The following KCNK9 variants were observed in gnomAD, a reference collection of about 807,000 sequenced individuals.
The protein encoded by KCNK9 is potassium channel subfamily K member 9.
In KCNK9, 1 loss-of-function variant was observed where a neutral mutation model predicts 10.8. The observed-to-expected ratio is 0.09, with a 90% CI of 0.03 to 0.44. KCNK9 has a LOEUF of 0.44. Among genes scored for constraint, KCNK9 ranks in the 20% least tolerant of loss-of-function variants. The pLI is 0.97. For missense variants in KCNK9, 303 were observed against 515.0 expected (o/e 0.59, Z 3.98); for synonymous variants, 231 against 222.7 (o/e 1.04, Z -0.33).
downstream of KCNK9, among the ~76,000 whole-genome samples, chr8:139,608,502 A>G (rs540737074): frequency 6.6e-6 from 1 of 152,150 alleles, no homozygotes; most frequent in East Asian, 1.9e-4. Flanking sequence ...TCTTTCTCAG[A>G]TCTACTTCCT....
chr8:139,625,984 C>T (rs1308142644), intron 1 of KCNK9, among the ~76,000 whole-genome samples: 6 of 152,194 alleles, frequency 3.9e-5, no homozygotes, highest in African/African-American at 1.4e-4. Context: ...CTTAAAGATA[C>T]TCTAAGCACA....
intron 2 of KCNK9, among the ~76,000 whole-genome samples, chr8:139,603,550 G>A (rs1432488580): frequency 2.0e-5 from 3 of 152,200 alleles, no homozygotes; most frequent in African/African-American, 7.2e-5. Flanking sequence ...GGTTGTTAGG[G>A]GAAAGGCCTC....
chr8:139,643,641 C>G (rs1197044979), intron 1 of KCNK9, among the ~76,000 whole-genome samples: 1 of 152,228 alleles, frequency 6.6e-6, no homozygotes, highest in Non-Finnish European at 1.5e-5. Context: ...GTCACCTGGA[C>G]AAGCCCATGG....
chr8:139,663,655 G>A (rs1356227530), intron 1 of KCNK9, among the ~76,000 whole-genome samples: 1 of 147,990 alleles, frequency 6.8e-6, no homozygotes, highest in African/African-American at 2.6e-5. Context: ...GCACGTGTGT[G>A]TGTGTGTGTG....
chr8:139,681,098 G>A (rs978494314), intron 1 of KCNK9, among the ~76,000 whole-genome samples: 10 of 152,086 alleles, frequency 6.6e-5, no homozygotes, highest in Non-Finnish European at 1.2e-4. Context: ...TAATCATATC[G>A]CCCTCTGTGC....
intron 1 of KCNK9, among the ~76,000 whole-genome samples, chr8:139,642,447 A>G (rs1185306227): frequency 6.6e-6 from 1 of 152,248 alleles, no homozygotes; most frequent in Non-Finnish European, 1.5e-5. Context: ...CAAAAGCAAT[A>G]AATGCATGCT....
intron 1 of KCNK9, among the ~76,000 whole-genome samples, chr8:139,639,798 G>A (rs530494839): frequency 6.6e-6 from 1 of 152,324 alleles, no homozygotes; most frequent in South Asian, 2.1e-4. Context: ...TCCCCAGCCT[G>A]CCCACGTGCT....
intron 1 of KCNK9, among the ~76,000 whole-genome samples, chr8:139,630,876 C>T (rs576942655): frequency 1.3e-5 from 2 of 152,366 alleles, no homozygotes; most frequent in African/African-American, 4.8e-5. Context: ...TCTTGCGAGA[C>T]GCTGGAGGTC....
Position 139,625,725 on chromosome 8 carries a change from G to GAA in KCNK9, c.284-6628_284-6627dup, listed in dbSNP as rs113414842. ...CTGCTGCAGCTGGCTAACAAAACAGGAAAAAAAAAAAAAAAATGAATAGGC... is the reference window on the plus strand; with the variant it reads ...CTGCTGCAGCTGGCTAACAAAACAGGAAAAAAAAAAAAAAAAAATGAATAGGC... On this transcript the variant is annotated intron_variant, in intron 1 of 1. Coordinates refer to ENST00000520439, the MANE Select transcript of KCNK9 (RefSeq NM_001282534.2). 1.3e-3 allele frequency among the ~76,000 whole-genome samples: 184 copies of GAA among 137,014 alleles called. 1 individual carries two copies. The highest frequency in any genetic ancestry group is 3.1e-3 in the African/African-American group (120 of 38,252). 89.9% of individuals were successfully genotyped at this position (137,014 alleles called of 152,430 possible).
At chr8:139,612,670 T>G (rs1814467699), downstream of KCNK9, 1 of 152,176 alleles carries the variant, frequency 6.6e-6, no homozygotes, top group Admixed American at 6.5e-5. Flanking sequence ...GTGCAGTTAG[T>G]TCCCCTAACA....
At chr8:139,691,762 C>A (rs1486895655) in intron 1 of KCNK9, among the ~76,000 whole-genome samples, 1 of 152,180 alleles carries the variant, frequency 6.6e-6, no homozygotes, top group African/African-American at 2.4e-5. Context: ...AGAAAAGGGG[C>A]TCTGAAATGC....
chr8:139,654,703 A>G (rs1412104319), intron 1 of KCNK9, among the ~76,000 whole-genome samples: 1 of 152,222 alleles, frequency 6.6e-6, no homozygotes, highest in Non-Finnish European at 1.5e-5. Context: ...AGATCCACGA[A>G]GACACGCATT....
chr8:139,684,326 C>A (rs72681292), intron 1 of KCNK9, among the ~76,000 whole-genome samples: 1 of 152,330 alleles, frequency 6.6e-6, no homozygotes, highest in Non-Finnish European at 1.5e-5. Context: ...GACTTATTTT[C>A]TTTCTGTCTT....
chr8:139,671,664 C>T (rs1242045738), intron 1 of KCNK9, among the ~76,000 whole-genome samples: 2 of 151,984 alleles, frequency 1.3e-5, no homozygotes, highest in Admixed American at 6.6e-5. Flanking sequence ...GTTATAGGCA[C>T]GTGTTCACCA....
downstream of KCNK9, among the ~76,000 whole-genome samples, chr8:139,610,351 G>A (rs1814383156): frequency 6.6e-6 from 1 of 152,172 alleles, no homozygotes; most frequent in Non-Finnish European, 1.5e-5. Flanking sequence ...ACAGATGCAG[G>A]GAGTCAAGAT....
intron 1 of KCNK9, among the ~76,000 whole-genome samples, chr8:139,664,407 G>A (rs1397479377): frequency 2.4e-5 from 3 of 126,836 alleles, no homozygotes; most frequent in Admixed American, 8.7e-5. Flanking sequence ...TCCAGAGCCC[G>A]CCTCCCCTCC....
chr8:139,660,882 C>T lies in KCNK9; in HGVS notation c.284-41783G>A, dbSNP rs374062919. ...GGCCTAAGAGCTAGCTGGTAGAGGACCCAGTTGCTTCCACTTTGAAAGCCC... is the reference window on the plus strand; with the variant it reads ...GGCCTAAGAGCTAGCTGGTAGAGGATCCAGTTGCTTCCACTTTGAAAGCCC... On this transcript the variant is annotated intron_variant, in intron 1 of 1. Coordinates refer to ENST00000520439, the MANE Select transcript of KCNK9 (RefSeq NM_001282534.2). Among the ~76,000 whole-genome samples the T allele has an allele frequency of 2.6e-5, 4 of 152,288 alleles. No individual in the cohort carries two copies. The East Asian group carries it at 7.7e-4, about 29-fold the overall frequency.
At chr8:139,656,628 T>C (rs1330908559) in intron 1 of KCNK9, among the ~76,000 whole-genome samples, 2 of 152,174 alleles carry the variant, frequency 1.3e-5, no homozygotes, top group Non-Finnish European at 2.9e-5. Flanking sequence ...ACTGATGATT[T>C]TCTTCTTTAT....
At chr8:139,621,978 A>C (rs933127462) in intron 1 of KCNK9, among the ~76,000 whole-genome samples, 30 of 152,148 alleles carry the variant, frequency 2.0e-4, no homozygotes, top group African/African-American at 7.0e-4. Context: ...AGGGTCCCCC[A>C]CCCTGACTTC....
Sources: allele counts gnomAD v4.1 joint callset (sites outside exome capture counted in the v4.1 genomes callset), GRCh38; gene constraint gnomAD v4.1.1; transcripts MANE v1.5; gene names NCBI Gene and HGNC (gene_info 2026-07-23, HGNC 2026-07-21).